Variants in ELP2 observed in about 807,000 individuals in gnomAD.
The protein encoded by ELP2 is elongator complex protein 2.
ELP2 carries 90 observed loss-of-function variants against 119.2 expected under a neutral mutation model. The observed-to-expected ratio is 0.75, with a 90% CI of 0.64 to 0.90. ELP2 has a LOEUF of 0.90. ELP2 is among the 40% of genes least tolerant of loss of function. The pLI is 0.00. For missense variants in ELP2, 921 were observed against 967.8 expected, an observed-to-expected ratio of 0.95 and a Z score of 0.64; for synonymous variants, 339 against 331.0, an observed-to-expected ratio of 1.02 and a Z score of -0.26.
At chr18:36,158,716 T>A (rs1265423787) in intron 13 of ELP2, 119 bp from the exon 14 acceptor site, 2 of 702,140 alleles carry the variant, frequency 2.8e-6, no homozygotes, top group Non-Finnish European at 5.0e-6. Flanking sequence ...TTAAACTGTT[T>A]CTCAGCATTT....
At chr18:36,139,475 C>T (rs1223794841) in intron 5 of ELP2, 6 of 1,535,720 alleles carry the variant, frequency 3.9e-6, no homozygotes, top group Non-Finnish European at 5.2e-6. Context: ...ACCAGCCTCT[C>T]TCGCCCTCTG....
rs1598721979 is a variant in ELP2 at position 36,130,141 on chromosome 18, G to A, written c.138+70G>A. On this transcript the variant is annotated intron_variant, in intron 1 of 21. Coordinates refer to ENST00000358232, the MANE Select transcript of ELP2 (RefSeq NM_018255.4). ...GAACCTGTGGACGTGCTCCGGGCGC[G>A]CTGTTAGTTGCCGCCCCAGACCTAG... 2.5e-6 allele frequency: 4 copies of A among 1,599,490 alleles called. No individual in the cohort carries two copies. In the East Asian group the frequency reaches 6.7e-5, roughly 27 times the overall value.
intron 4 of ELP2, 143 bp downstream of exon 4, chr18:36,138,569 A>G (rs929967082): frequency 4.7e-6 from 5 of 1,063,290 alleles, no homozygotes; most frequent in Non-Finnish European, 4.1e-6. Flanking sequence ...TTTCTTTTGC[A>G]CTTATTTAAA....
intron 1 of ELP2, 127 bp downstream of exon 1, chr18:36,130,198 G>T: frequency 7.7e-7 from 1 of 1,293,146 alleles, no homozygotes. Flanking sequence ...GGGGAGCGGG[G>T]TTTGGGCTCG....
intron 5 of ELP2, among the ~76,000 whole-genome samples, chr18:36,139,923 A>C (rs1266943846): frequency 6.7e-6 from 1 of 149,604 alleles, no homozygotes. Flanking sequence ...ATCATAGCTC[A>C]CTGCAGCCTC....
At chr18:36,135,866 T>G (rs2089804910) in intron 2 of ELP2, among the ~76,000 whole-genome samples, 1 of 152,198 alleles carries the variant, frequency 6.6e-6, no homozygotes, top group African/African-American at 2.4e-5. Context: ...CTAAAAAGAT[T>G]TGATATCCAA....
In ELP2 at chr18:36,160,729, T is replaced by A. The variant is rs376044291; in HGVS notation, c.1689-203T>A. On this transcript the variant is annotated intron_variant, in intron 16 of 21. Transcript: ENST00000358232. Reference sequence around the variant, plus strand: ...CTTGTATGTTAATTGTTTGAATGAGTTATATTACTTATAGGAAGCTGACAT... The same window carrying A: ...CTTGTATGTTAATTGTTTGAATGAGATATATTACTTATAGGAAGCTGACAT... Among the ~76,000 whole-genome samples the A allele has an allele frequency of 5.9e-5, 9 of 152,256 alleles. No individual in the cohort carries two copies. The East Asian group carries it at 1.2e-3, about 20-fold the overall frequency.
rs973646236 is a variant in ELP2 at position 36,176,148 on chromosome 18, A to G, written c.*1507A>G. ...ATCAGTATAAAAACCTGTTACTGAA[A>G]TATTTTATAGGGCCCATCTCAGTTC... On this transcript the variant is annotated 3_prime_UTR_variant, in exon 22 of 22. Transcript: ENST00000358232. 1 of 152,226 alleles carries G rather than the reference A, an allele frequency of 6.6e-6. No individual in the cohort carries two copies. 9.4% of individuals were successfully genotyped at this position (152,226 alleles called of 1,614,324 possible). A position where few individuals can be genotyped will look rare whatever the true frequency, so the allele number is the denominator to read the frequency against.
At chr18:36,133,350 ATTGTT>A (rs771380094) in intron 2 of ELP2, 34 bp downstream of exon 2, 3 of 1,497,992 alleles carry the variant, frequency 2.0e-6, no homozygotes, top group African/African-American at 1.4e-5. Context: ...GTTGATCTCA[ATTGTT>A]TTCTGATAAA....
chr18:36,131,599 T>C lies in ELP2; in HGVS notation c.138+1528T>C, dbSNP rs568398299. 2.0e-5 allele frequency among the ~76,000 whole-genome samples: 3 copies of C among 152,334 alleles called. No individual in the cohort carries two copies. In the South Asian group the frequency reaches 6.2e-4, roughly 32 times the overall value. On this transcript the variant is annotated intron_variant, in intron 1 of 21. Coordinates refer to ENST00000358232, the MANE Select transcript of ELP2 (RefSeq NM_018255.4). Reference sequence around the variant, plus strand: ...CCGTCGTAAAATTAGCAAGGCACACTCTTTGCCAGTCAACCCACGGTCCTG... The same window carrying C: ...CCGTCGTAAAATTAGCAAGGCACACCCTTTGCCAGTCAACCCACGGTCCTG...
chr18:36,132,143 C>T (rs1436730910), intron 1 of ELP2, among the ~76,000 whole-genome samples: 2 of 152,038 alleles, frequency 1.3e-5, no homozygotes. Flanking sequence ...CTCCTGGCCT[C>T]CTGAAGTGCT....
intron 11 of ELP2, 48 bp downstream of exon 11, chr18:36,146,429 A>C: frequency 6.3e-7 from 1 of 1,591,686 alleles, no homozygotes; most frequent in Non-Finnish European, 8.6e-7. Flanking sequence ...AATAGAGTAC[A>C]TTCTAGGTAA....
intron 5 of ELP2, chr18:36,139,273 G>A (rs986583207): frequency 3.6e-5 from 26 of 712,462 alleles, no homozygotes; most frequent in Admixed American, 5.8e-5. Context: ...TTCACATCCC[G>A]AATAATGACA....
At chr18:36,149,590 TA>T (rs1316889922) in intron 11 of ELP2, among the ~76,000 whole-genome samples, 11 of 144,542 alleles carry the variant, frequency 7.6e-5, no homozygotes, top group Admixed American at 1.5e-4. Flanking sequence ...AAAAATAAAT[TA>T]AAAAAAAAAT....
chr18:36,133,897 G>GTTTTTTTT (rs57135329), intron 2 of ELP2, among the ~76,000 whole-genome samples: 21 of 60,804 alleles, frequency 3.5e-4, no homozygotes, highest in African/African-American at 1.5e-3. Flanking sequence ...TTTTTTAGGG[G>GTTTTTTTT]TTTTTTTTTT....
At chr18:36,133,897 G>GTTTTTTTTTTTTTTTTTTTTTTTTTTT in intron 2 of ELP2, among the ~76,000 whole-genome samples, 1 of 60,756 alleles carries the variant, frequency 1.6e-5, no homozygotes, top group Non-Finnish European at 2.8e-5. Flanking sequence ...TTTTTTAGGG[G>GTTTTTTTTTTTTTTTTTTTTTTTTTTT]TTTTTTTTTT....
Position 36,178,756 on chromosome 18 carries a change from A to G in ELP2, c.*4115A>G, listed in dbSNP as rs1044962873. On this transcript the variant is annotated 3_prime_UTR_variant, in exon 22 of 22. Transcript: ENST00000358232. ...AAAAAAAAAAAAGTTCTCTTGAATC[A>G]TAATTTCAGTATTTATGGATGAAAT... The G allele has an allele frequency of 6.6e-6, 1 of 151,752 alleles. No homozygotes were observed. The highest frequency in any genetic ancestry group is 2.4e-5 in the African/African-American group (1 of 41,304). 9.4% of individuals were successfully genotyped at this position (151,752 alleles called of 1,614,324 possible).
intron 14 of ELP2, 117 bp from the exon 15 acceptor site, chr18:36,159,618 C>T: frequency 1.3e-6 from 1 of 791,084 alleles, no homozygotes. Context: ...ATGGACACAG[C>T]TGTGAATTGC....
chr18:36,161,064 G>A, intron 17 of ELP2, 60 bp downstream of exon 17: 1 of 1,251,178 alleles, frequency 8.0e-7, no homozygotes, highest in Non-Finnish European at 1.2e-6. Flanking sequence ...TCAGGCTCCT[G>A]CAAGTTTGGT....
Sources: allele counts gnomAD v4.1 joint callset (sites outside exome capture counted in the v4.1 genomes callset), GRCh38; gene constraint gnomAD v4.1.1; transcripts MANE v1.5; gene names NCBI Gene and HGNC (gene_info 2026-07-23, HGNC 2026-07-21).